Variants in LONP2 observed in about 807,000 individuals in gnomAD.
LONP2 encodes the protein lon protease homolog 2, peroxisomal.
A neutral mutation model predicts 85.6 loss-of-function variants in LONP2; 60 were observed. The observed-to-expected ratio is 0.70, with a 90% CI of 0.57 to 0.87. The LOEUF (loss-of-function observed/expected upper bound fraction) is 0.87. LONP2 is among the 40% of genes least tolerant of loss of function. LONP2 has a pLI of 0.00. For synonymous variants in LONP2, 395 were observed against 389.7 expected, an observed-to-expected ratio of 1.01 and a Z score of -0.16; for missense variants, 860 against 1,063.5, an observed-to-expected ratio of 0.81 and a Z score of 2.66.
At chr16:48,268,874 A>AT (rs781747508) in intron 6 of LONP2, among the ~76,000 whole-genome samples, 2 of 152,080 alleles carry the variant, frequency 1.3e-5, no homozygotes, top group Non-Finnish European at 2.9e-5. Context: ...TTTTTCCTTT[A>AT]TGAAATATCC....
chr16:48,362,395 C>T lies in LONP2; in HGVS notation c.*532C>T, dbSNP rs761014883. The T allele has an allele frequency of 4.3e-6, 7 of 1,614,044 alleles. No homozygotes were observed. Among genetic ancestry groups the T allele is most frequent in the Non-Finnish European group, 5.9e-6 (7 of 1,180,004 alleles). On this transcript the variant is annotated 3_prime_UTR_variant, in exon 5 of 5. Transcript: ENST00000565867. This position sits in a 1 kb window ranked among gnomAD's most constrained non-coding sequence, Gnocchi z 4.2. ...TGGGATGGTGGACACTTCGAGGTAC[C>T]GGTAGGTAATGCTGTAGCAGTCTGA...
rs1972711340 is a variant in LONP2, at chr16:48,297,932, T to C, written c.1535-1730T>C. 2.0e-5 allele frequency among the ~76,000 whole-genome samples: 3 copies of C among 152,238 alleles called. No homozygotes were observed. In the South Asian group the frequency reaches 6.2e-4, roughly 31 times the overall value. On this transcript the variant is annotated intron_variant, in intron 9 of 14. Coordinates refer to ENST00000285737, the MANE Select transcript of LONP2 (RefSeq NM_031490.5). ...CCAGGAAGGTCTCAATGTCTTGACCTCATGATCCACCCACCTTGGCCTCCC... is the reference window on the plus strand; with the variant it reads ...CCAGGAAGGTCTCAATGTCTTGACCCCATGATCCACCCACCTTGGCCTCCC...
chr16:48,305,542 A>G (rs1428281720), intron 11 of LONP2, among the ~76,000 whole-genome samples: 1 of 152,206 alleles, frequency 6.6e-6, no homozygotes, highest in Non-Finnish European at 1.5e-5. Flanking sequence ...GGTGTGAGCC[A>G]CTGCGCCTGG....
At chr16:48,323,245 C>T (rs1973302995) in intron 11 of LONP2, among the ~76,000 whole-genome samples, 1 of 152,136 alleles carries the variant, frequency 6.6e-6, no homozygotes, top group Non-Finnish European at 1.5e-5. Context: ...AGTAAATGGA[C>T]ATGAAAAGGT....
At chr16:48,320,013 A>G (rs914889289) in intron 11 of LONP2, among the ~76,000 whole-genome samples, 2 of 152,000 alleles carry the variant, frequency 1.3e-5, no homozygotes, top group Admixed American at 1.3e-4. Flanking sequence ...TACAAAAATT[A>G]GCCAGGCATG....
chr16:48,329,678 G>A (rs557268839), intron 11 of LONP2, among the ~76,000 whole-genome samples: 2 of 152,174 alleles, frequency 1.3e-5, no homozygotes, highest in South Asian at 4.1e-4. Flanking sequence ...TGGAGAAGGG[G>A]TGACTACTGT....
downstream of LONP2, chr16:48,361,563 A>T (rs771707843): frequency 1.2e-6 from 2 of 1,608,452 alleles, no homozygotes; most frequent in African/African-American, 1.3e-5. Context: ...CTGGCCAGAA[A>T]ATGTTTGATT....
chr16:48,299,689 T>G lies in LONP2; in HGVS notation c.1562T>G (p.Ile521Ser), dbSNP rs1365093051. 1 of 1,613,720 alleles carries G rather than the reference T, an allele frequency of 6.2e-7. No homozygotes were observed. The highest frequency in any genetic ancestry group is 8.5e-7 in the Non-Finnish European group (1 of 1,179,832). The change falls in exon 10 of 15, where the codon ATT (isoleucine) becomes AGT (serine). Residue 521 changes from isoleucine (I) to serine (S), a missense_variant. This residue lies in a region of LONP2 where 743 missense variants were observed against 917.3 expected (regional missense o/e 0.81). Transcript: ENST00000285737. ...PGYTQEEKIE[I>S]AHRHLIPKQL... is the part of the protein sequence containing the mutation. The stretch of plus-strand genomic sequence containing the variant: ...TATACACAGGAGGAGAAGATAGAGA[T>G]TGCCCATAGGCACTTGATCCCCAAG...
At chr16:48,252,078 T>G (rs1971664134) in intron 1 of LONP2, 53 bp from the exon 2 acceptor site, 1 of 1,302,824 alleles carries the variant, frequency 7.7e-7, no homozygotes, top group Non-Finnish European at 1.0e-6. Context: ...GAAGTGAGTT[T>G]CTGTTCTACC....
At chr16:48,349,848 C>T (rs959573402) in intron 14 of LONP2, among the ~76,000 whole-genome samples, 2 of 152,194 alleles carry the variant, frequency 1.3e-5, no homozygotes, top group African/African-American at 2.4e-5. Context: ...ATCTTGAGAT[C>T]GAAAGGACCA....
rs1971768021 is a variant in LONP2, at chr16:48,256,704, C to T, written c.563C>T (p.Thr188Ile). Reference sequence around the variant, plus strand: ...AGGGAAGCTTTACCAGACATCTTGACATCAATTATCCGAACAAGCAACAAA... The same window carrying T: ...AGGGAAGCTTTACCAGACATCTTGATATCAATTATCCGAACAAGCAACAAA... ...LPREALPDIL[T>I]SIIRTSNKEK... Residue 188 changes from threonine to isoleucine, a missense_variant, in exon 3 of 15, where the codon ACA (threonine) becomes ATA (isoleucine). Thr to Ile is a moderately conservative substitution (Grantham distance 89). Around this residue, in one of 3 missense-constraint regions of LONP2, gnomAD observed 743 missense variants for 917.3 expected, o/e 0.81. Transcript: ENST00000285737. 1.2e-6 allele frequency: 2 copies of T among 1,613,928 alleles called. No homozygotes were observed. Among genetic ancestry groups the T allele is most frequent in the Non-Finnish European group, 1.7e-6 (2 of 1,179,904 alleles).
chr16:48,343,913 T>A (rs1323802685), intron 12 of LONP2: 2 of 152,184 alleles, frequency 1.3e-5, no homozygotes, highest in African/African-American at 4.8e-5. Context: ...GACCCTGAGA[T>A]ACCCACATTC....
chr16:48,283,704 G>C (rs1352275593), intron 8 of LONP2, among the ~76,000 whole-genome samples: 3 of 152,196 alleles, frequency 2.0e-5, no homozygotes, highest in Non-Finnish European at 4.4e-5. Flanking sequence ...CTGTGATGGA[G>C]ATGTACAAGG....
chr16:48,249,394 T>C (rs1393470778), intron 1 of LONP2, among the ~76,000 whole-genome samples: 1 of 152,238 alleles, frequency 6.6e-6, no homozygotes, highest in African/African-American at 2.4e-5. Context: ...TGACTTGATA[T>C]ACAACCTTTT....
chr16:48,244,574 C>T lies in LONP2; in HGVS notation c.186C>T (p.Asn62=), dbSNP rs956538168. The change falls in exon 1 of 15, where the codon AAC becomes AAT. Residue 62 remains asparagine, a synonymous_variant. Transcript: ENST00000285737. ...GCACCATCCTGGGCGTCATCCCCAA[C>T]ACGCCTGACCCCGCCAGCGACGCGC... ...LQSTILGVIP[N]TPDPASDAQD... 1.3e-6 allele frequency: 2 copies of T among 1,507,600 alleles called. No homozygotes were observed. The highest frequency in any genetic ancestry group is 1.8e-6 in the Non-Finnish European group (2 of 1,130,510). 93.4% of individuals were successfully genotyped at this position (1,507,600 alleles called of 1,614,324 possible). A position where few individuals can be genotyped will look rare whatever the true frequency, so the allele number is the denominator to read the frequency against.
intron 7 of LONP2, among the ~76,000 whole-genome samples, chr16:48,273,002 A>G (rs1268231637): frequency 6.6e-6 from 1 of 152,140 alleles, no homozygotes; most frequent in East Asian, 1.9e-4. Context: ...CTGGGGGAAC[A>G]TGTGGTTCCA....
intron 1 of LONP2, among the ~76,000 whole-genome samples, chr16:48,245,256 C>G (rs1241795980): frequency 2.0e-5 from 3 of 152,078 alleles, no homozygotes; most frequent in Admixed American, 6.5e-5. Flanking sequence ...TGGAACTTTC[C>G]TAGCTTCTCA....
At chr16:48,324,895 A>T (rs1596986155) in intron 11 of LONP2, among the ~76,000 whole-genome samples, 1 of 152,300 alleles carries the variant, frequency 6.6e-6, no homozygotes, top group African/African-American at 2.4e-5. Flanking sequence ...GCTGTTTAGC[A>T]TATCTGTCAC....
chr16:48,314,222 GA>G (rs1973095031), intron 11 of LONP2, among the ~76,000 whole-genome samples: 1 of 151,714 alleles, frequency 6.6e-6, no homozygotes, highest in South Asian at 2.1e-4. Context: ...CGGGTGGATA[GA>G]TTGAAAAATT....
Sources: gnomAD v4.1 joint callset for allele counts (sites outside exome capture counted in the v4.1 genomes callset) on GRCh38, gnomAD v4.1.1 for gene constraint, gnomAD v4.1.1 regional missense constraint, Gnocchi (gnomAD v3.1) non-coding constraint, MANE v1.5 for transcripts, NCBI Gene and HGNC (gene_info 2026-07-23, HGNC 2026-07-21) for gene names.